The following EED variants were observed in gnomAD, a reference collection of about 807,000 sequenced individuals.
The protein encoded by EED is polycomb protein EED.
EED carries 9 observed loss-of-function variants against 61.0 expected under a neutral mutation model. The ratio of observed to expected loss-of-function variants is 0.15; its 90% CI spans 0.09 to 0.26. The LOEUF (loss-of-function observed/expected upper bound fraction) is 0.26. Ranked by LOEUF, EED falls within the 10% of genes least tolerant of loss-of-function variation. The pLI, the probability that EED is intolerant of heterozygous loss-of-function variation, is 1.00. For missense variants in EED, 315 were observed against 542.3 expected (o/e 0.58, Z 4.16); for synonymous variants, 187 against 174.4 (o/e 1.07, Z -0.57).
intron 6 of EED, among the ~76,000 whole-genome samples, chr11:86,259,551 C>G (rs1366876836): frequency 1.3e-5 from 2 of 152,282 alleles, no homozygotes; most frequent in East Asian, 3.9e-4. Flanking sequence ...CTCCTGGCCT[C>G]AAGCAGTCCT....
intron 6 of EED, among the ~76,000 whole-genome samples, chr11:86,259,146 G>T (rs890802536): frequency 6.6e-6 from 1 of 151,678 alleles, no homozygotes; most frequent in Non-Finnish European, 1.5e-5. Flanking sequence ...GGGATTATAG[G>T]CGTGAGCCAC....
Position 86,256,413 on chromosome 11 carries a change from A to C in EED, c.453A>C (p.Ala151=), listed in dbSNP as rs755960470. 1.2e-6 allele frequency: 2 copies of C among 1,607,602 alleles called. No homozygotes were observed. The highest frequency in any genetic ancestry group is 1.7e-6 in the Non-Finnish European group (2 of 1,176,426). ...CTGATGAAAACTTTTACACTTGTGC[A>C]TGGACCTATGATAGCAATACGAGCC... ...ADADENFYTC[A]WTYDSNTSHP... is the part of the protein sequence containing the mutation. Residue 151 remains alanine, a synonymous_variant, in exon 5 of 12, where the codon GCA becomes GCC. Transcript: ENST00000263360.
intron 9 of EED, among the ~76,000 whole-genome samples, chr11:86,269,921 CA>C (rs1326330429): frequency 6.6e-6 from 1 of 152,066 alleles, no homozygotes; most frequent in African/African-American, 2.4e-5. Context: ...TGGTCATTTC[CA>C]GTTCTGGGCT....
chr11:86,285,201 C>T, the EED span, among the ~76,000 whole-genome samples: 6 of 152,166 alleles, frequency 3.9e-5, no homozygotes, highest in Non-Finnish European at 7.4e-5. Flanking sequence ...AGGAGGACTG[C>T]TTGAGCCCAG....
intron 11 of EED, chr11:86,278,198 C>T: frequency 7.6e-7 from 1 of 1,315,644 alleles, no homozygotes; most frequent in South Asian, 2.6e-5. Context: ...TGTTTTTATA[C>T]AAATTATGTA....
At chr11:86,268,296 C>A in intron 8 of EED, 160 bp from the exon 9 acceptor site, 1 of 487,378 alleles carries the variant, frequency 2.1e-6, no homozygotes. Flanking sequence ...GAGACTTTAG[C>A]TTTCAATAAA....
At chr11:86,276,140 C>T (rs1184076722) in intron 9 of EED, 1 of 152,106 alleles carries the variant, frequency 6.6e-6, no homozygotes, top group Non-Finnish European at 1.5e-5. Context: ...GCATCTTTGG[C>T]CTCTACCCAT....
chr11:86,258,728 G>A (rs1271764940), intron 6 of EED, among the ~76,000 whole-genome samples: 2 of 148,494 alleles, frequency 1.3e-5, no homozygotes, highest in Non-Finnish European at 3.0e-5. Flanking sequence ...GCTAATTTTT[G>A]TATTTTTAGT....
intron 1 of EED, among the ~76,000 whole-genome samples, chr11:86,246,943 G>C (rs1167166784): frequency 6.6e-6 from 1 of 152,148 alleles, no homozygotes; most frequent in African/African-American, 2.4e-5. Context: ...ACTAAGAAGA[G>C]TGTCTGCCCC....
downstream of EED, among the ~76,000 whole-genome samples, chr11:86,282,685 G>C (rs1031917385): frequency 1.3e-5 from 2 of 152,100 alleles, no homozygotes; most frequent in Non-Finnish European, 2.9e-5. Context: ...TATCTCTGCA[G>C]ATCAGGGTGT....
At chr11:86,285,341 G>C in the EED span, among the ~76,000 whole-genome samples, 6 of 152,044 alleles carry the variant, frequency 3.9e-5, no homozygotes, top group Non-Finnish European at 8.8e-5. Context: ...TATCACTTGA[G>C]CCCAGGAGGC....
chr11:86,276,890 A>T lies in EED; in HGVS notation c.967-90A>T, dbSNP rs1946246609. On this transcript the variant is annotated intron_variant, in intron 9 of 11. Transcript: ENST00000263360. ...ATTAACCAGGTTCTAAGAGCTGTGA[A>T]TTCCAAAACAATAGAAAAGCCTTGT... The T allele has an allele frequency of 2.5e-6, 3 of 1,220,362 alleles. No homozygotes were observed. The East Asian group carries it at 7.8e-5, about 32-fold the overall frequency. The allele number at this position is 1,220,362 out of a possible 1,614,324, so 75.6% of individuals were successfully genotyped here. A position where few individuals can be genotyped will look rare whatever the true frequency, so the allele number is the denominator to read the frequency against.
intron 10 of EED, 23 bp downstream of exon 10, chr11:86,277,161 T>C (rs1565706281): frequency 6.5e-7 from 1 of 1,547,294 alleles, no homozygotes. Flanking sequence ...TTTTACATTT[T>C]GAAATGATCT....
intron 9 of EED, among the ~76,000 whole-genome samples, chr11:86,274,674 A>G (rs1210704835): frequency 2.6e-5 from 4 of 152,296 alleles, no homozygotes; most frequent in Admixed American, 1.3e-4. Context: ...GGGAAGGGCC[A>G]GGATGCCTAA....
intron 9 of EED, among the ~76,000 whole-genome samples, chr11:86,269,470 C>G (rs536986290): frequency 1.3e-5 from 2 of 152,238 alleles, no homozygotes; most frequent in South Asian, 4.1e-4. Context: ...GAATTTCAGG[C>G]CACTTCACAT....
chr11:86,270,033 TG>T, intron 9 of EED: 1 of 664,806 alleles, frequency 1.5e-6, no homozygotes, highest in Non-Finnish European at 2.7e-6. Flanking sequence ...ATTGCTGGGT[TG>T]TGGTTAAGTT....
intron 3 of EED, among the ~76,000 whole-genome samples, chr11:86,253,176 T>C (rs1313643717): frequency 1.3e-5 from 2 of 152,234 alleles, no homozygotes; most frequent in Non-Finnish European, 1.5e-5. Context: ...TAGCTTTTTT[T>C]CTTCTGTTTT....
chr11:86,258,176 A>G (rs894383312), intron 6 of EED, among the ~76,000 whole-genome samples: 12 of 152,304 alleles, frequency 7.9e-5, no homozygotes, highest in Non-Finnish European at 1.3e-4. Flanking sequence ...AAAAAAGGTT[A>G]TAACAGTACA....
intron 9 of EED, among the ~76,000 whole-genome samples, chr11:86,269,338 GTGTT>G (rs1055549917): frequency 2.0e-5 from 3 of 152,232 alleles, no homozygotes; most frequent in Admixed American, 2.0e-4. Flanking sequence ...GTGTGTGTGT[GTGTT>G]TGTGTGTCTG....
Sources: allele counts gnomAD v4.1 joint callset (sites outside exome capture counted in the v4.1 genomes callset), GRCh38; gene constraint gnomAD v4.1.1; transcripts MANE v1.5; gene names NCBI Gene and HGNC (gene_info 2026-07-23, HGNC 2026-07-21).